The following RAP1GAP variants were observed in gnomAD, a reference collection of about 807,000 sequenced individuals.
RAP1GAP encodes the protein RAP1 GTPase activating protein, also known as rap1 GTPase-activating protein 1.
In RAP1GAP, 35 loss-of-function variants were observed where a neutral mutation model predicts 87.2. The ratio of observed to expected loss-of-function variants is 0.40; its 90% CI spans 0.31 to 0.53. The LOEUF is 0.53. Ranked by LOEUF, RAP1GAP falls within the 20% of genes least tolerant of loss-of-function variation. The pLI, the probability that RAP1GAP is intolerant of heterozygous loss-of-function variation, is 0.48. For missense variants in RAP1GAP, 734 were observed against 898.9 expected, an observed-to-expected ratio of 0.82 and a Z score of 2.35; for synonymous variants, 375 against 363.9, an observed-to-expected ratio of 1.03 and a Z score of -0.35.
intron 2 of RAP1GAP, among the ~76,000 whole-genome samples, chr1:21,632,482 G>A (rs545498455): frequency 2.8e-4 from 43 of 152,340 alleles, no homozygotes; most frequent in Middle Eastern, 3.4e-3. Context: ...CTGAGGCTTG[G>A]AGAGGTGAAA....
intron 2 of RAP1GAP, among the ~76,000 whole-genome samples, chr1:21,639,521 CCT>C (rs1291747022): frequency 2.6e-5 from 4 of 152,232 alleles, no homozygotes; most frequent in Non-Finnish European, 5.9e-5. Context: ...CCTCTCTCAG[CCT>C]CTGTTTCCTC....
chr1:21,666,412 T>C (rs890254005), intron 1 of RAP1GAP, among the ~76,000 whole-genome samples: 1 of 152,218 alleles, frequency 6.6e-6, no homozygotes, highest in African/African-American at 2.4e-5. Context: ...GGTCCTGTCC[T>C]GTCTTGGGAA....
At position 21,608,831 on chromosome 1, in the gene RAP1GAP, C is replaced by T. The variant is rs780819830; in HGVS notation, c.1158+19G>A. ...GAAGGTGAGAAGAGGGTCACCCAGC[C>T]CTCACAGCCCATCCTCACCTCCAGT... On this transcript the variant is annotated intron_variant, in intron 16 of 24. Transcript: ENST00000374765. The T allele has an allele frequency of 5.0e-6, 8 of 1,605,184 alleles. No individual in the cohort carries two copies. The highest frequency in any genetic ancestry group is 6.8e-6 in the Non-Finnish European group (8 of 1,171,864).
At chr1:21,635,509 C>A (rs1481820612) in intron 2 of RAP1GAP, among the ~76,000 whole-genome samples, 1 of 152,216 alleles carries the variant, frequency 6.6e-6, no homozygotes, top group Non-Finnish European at 1.5e-5. Flanking sequence ...CAAAGCAGAG[C>A]CCCAAAGATA....
chr1:21,654,669 A>C (rs1427944626), intron 1 of RAP1GAP, among the ~76,000 whole-genome samples: 2 of 151,850 alleles, frequency 1.3e-5, no homozygotes, highest in East Asian at 3.9e-4. Context: ...CTGTCTCTAC[A>C]AAAACTCTAA....
chr1:21,599,360 T>C, intron 21 of RAP1GAP, 134 bp downstream of exon 21: 1 of 1,319,798 alleles, frequency 7.6e-7, no homozygotes, highest in South Asian at 1.4e-5. Flanking sequence ...TCGTCTGCAC[T>C]GCTCCTTTGG....
chr1:21,664,067 G>A lies in RAP1GAP; in HGVS notation c.-149+5187C>T, dbSNP rs561006819. Among the ~76,000 whole-genome samples the A allele has an allele frequency of 3.9e-5, 6 of 152,322 alleles. No homozygotes were observed. The East Asian group carries it at 1.2e-3, about 29-fold the overall frequency. On this transcript the variant is annotated intron_variant, in intron 1 of 24. Coordinates refer to ENST00000374765, the MANE Select transcript of RAP1GAP (RefSeq NM_002885.4). ...GAGGCTCAAAGAGGCCGGGCGGCTT[G>A]CCTGAGCTCACCCAGCTAGTGGGGT... is the stretch of plus-strand genomic sequence containing the variant.
At chr1:21,621,047 T>C (rs1380186525) in intron 3 of RAP1GAP, among the ~76,000 whole-genome samples, 1 of 152,152 alleles carries the variant, frequency 6.6e-6, no homozygotes, top group African/African-American at 2.4e-5. Flanking sequence ...AATATACACA[T>C]TGGCGTTCTG....
Position 21,608,352 on chromosome 1 carries a change from T to C in RAP1GAP, c.1159-2A>G. ...CAGGAGGGCGGCCCGCGTCCGCTCC[T>C]GTGGGCCAGGCCCGGGCCGTCAGGA... is the stretch of plus-strand genomic sequence containing the variant. On this transcript the variant is annotated splice_acceptor_variant, in intron 16 of 24. Transcript: ENST00000374765. LOFTEE classifies it high-confidence loss of function. 6.2e-7 allele frequency: 1 copy of C among 1,612,488 alleles called. No individual in the cohort carries two copies.
In RAP1GAP at chr1:21,603,227, C is replaced by T; in HGVS notation, c.1429-314G>A. 1 of 409,660 alleles carries T rather than the reference C, an allele frequency of 2.4e-6. No individual in the cohort carries two copies. Among genetic ancestry groups the T allele is most frequent in the South Asian group, 4.3e-5 (1 of 23,264 alleles). 25.4% of individuals were successfully genotyped at this position (409,660 alleles called of 1,614,324 possible). On this transcript the variant is annotated intron_variant, in intron 18 of 24. Coordinates refer to ENST00000374765, the MANE Select transcript of RAP1GAP (RefSeq NM_002885.4). The surrounding 1 kb of genome is among the most constrained non-coding windows in gnomAD (Gnocchi z 6.0). ...TCAGAATGGCTACCGCTCCCCGCCC[C>T]CCAGGGCTCTGTGGGATCTGCAGCC... is the stretch of plus-strand genomic sequence containing the variant.
intron 2 of RAP1GAP, among the ~76,000 whole-genome samples, chr1:21,639,885 C>T (rs1231472628): frequency 1.3e-5 from 2 of 152,114 alleles, no homozygotes; most frequent in Non-Finnish European, 2.9e-5. Flanking sequence ...TGGGAGGCCC[C>T]GGCAGGAGCG....
At chr1:21,607,374 T>C (rs913473207) in intron 17 of RAP1GAP, among the ~76,000 whole-genome samples, 54 of 152,332 alleles carry the variant, frequency 3.5e-4, no homozygotes, top group Admixed American at 1.6e-3. Flanking sequence ...AAGTTGCCAT[T>C]ACCCTACTCA....
intron 2 of RAP1GAP, among the ~76,000 whole-genome samples, chr1:21,627,325 G>A (rs764750106): frequency 1.6e-4 from 24 of 152,302 alleles, no homozygotes; most frequent in Non-Finnish European, 2.4e-4. Flanking sequence ...AGGCAGAGCC[G>A]GGGCTGCCAC....
chr1:21,643,016 C>G (rs1018320586), intron 2 of RAP1GAP, among the ~76,000 whole-genome samples: 2 of 152,078 alleles, frequency 1.3e-5, no homozygotes, highest in Non-Finnish European at 2.9e-5. Context: ...CTCAGCAACC[C>G]TCACATCTCC....
rs998838027 is a variant in RAP1GAP at position 21,649,820 on chromosome 1, T to C, written c.-148-24A>G. 1.9e-5 allele frequency: 29 copies of C among 1,550,866 alleles called. 1 individual carries two copies. The highest frequency in any genetic ancestry group is 1.8e-4 in the Admixed American group (9 of 50,958). Reference sequence around the variant, plus strand: ...CCCTGAAACACAACAAGAGGGGCCATAGGTGAGGGGACATCCCTTCTCACC... The same window carrying C: ...CCCTGAAACACAACAAGAGGGGCCACAGGTGAGGGGACATCCCTTCTCACC... On this transcript the variant is annotated intron_variant, in intron 1 of 24. Coordinates refer to ENST00000374765, the MANE Select transcript of RAP1GAP (RefSeq NM_002885.4).
intron 2 of RAP1GAP, among the ~76,000 whole-genome samples, chr1:21,627,787 C>T (rs1023262556): frequency 1.3e-5 from 2 of 152,064 alleles, no homozygotes; most frequent in African/African-American, 2.4e-5. Flanking sequence ...CCATCCACAG[C>T]CCCACTTATG....
rs748005210 is a variant in RAP1GAP, at chr1:21,608,839, C to T, written c.1158+11G>A. On this transcript the variant is annotated intron_variant, in intron 16 of 24. Coordinates refer to ENST00000374765, the MANE Select transcript of RAP1GAP (RefSeq NM_002885.4). ...GAAGAGGGTCACCCAGCCCTCACAG[C>T]CCATCCTCACCTCCAGTTTGGCAAA... The T allele has an allele frequency of 5.0e-6, 8 of 1,611,370 alleles. No homozygotes were observed. The highest frequency in any genetic ancestry group is 6.8e-6 in the Non-Finnish European group (8 of 1,177,508).
chr1:21,628,278 C>T (rs967951191), intron 2 of RAP1GAP, among the ~76,000 whole-genome samples: 7 of 151,818 alleles, frequency 4.6e-5, no homozygotes, highest in African/African-American at 1.2e-4. Context: ...GCAGGCTGGG[C>T]GTGATGGCTC....
At chr1:21,623,783 C>T (rs1249141312) in intron 3 of RAP1GAP, among the ~76,000 whole-genome samples, 1 of 152,240 alleles carries the variant, frequency 6.6e-6, no homozygotes, top group Non-Finnish European at 1.5e-5. Context: ...CTTCCGGGCA[C>T]CCATCGAAAT....
Sources: allele counts gnomAD v4.1 joint callset (sites outside exome capture counted in the v4.1 genomes callset), GRCh38; gene constraint gnomAD v4.1.1; non-coding constraint Gnocchi (gnomAD v3.1); transcripts MANE v1.5; gene names NCBI Gene and HGNC (gene_info 2026-07-23, HGNC 2026-07-21).